The following CRHBP variants were observed in gnomAD, a reference collection of about 807,000 sequenced individuals.
CRHBP encodes corticotropin releasing hormone binding protein.
Under a neutral mutation model 34.9 loss-of-function variants are expected in CRHBP, and 19 were observed. That is an observed-to-expected ratio of 0.55 (90% CI 0.38 to 0.80). CRHBP has a LOEUF of 0.80. Ranked by LOEUF, CRHBP falls within the 30% of genes least tolerant of loss-of-function variation. CRHBP has a pLI of 0.00. For missense variants in CRHBP, 328 were observed against 409.2 expected, an observed-to-expected ratio of 0.80 and a Z score of 1.71; for synonymous variants, 154 against 153.4, an observed-to-expected ratio of 1.00 and a Z score of -0.03.
At chr5:76,964,708 T>C (rs1226807752) in intron 6 of CRHBP, among the ~76,000 whole-genome samples, 2 of 151,916 alleles carry the variant, frequency 1.3e-5, no homozygotes, top group African/African-American at 2.4e-5. Context: ...ATAAAAAAAT[T>C]AGCCAGGCAT....
At chr5:76,970,287 A>C (rs1745926890), downstream of CRHBP, among the ~76,000 whole-genome samples, 1 of 152,098 alleles carries the variant, frequency 6.6e-6, no homozygotes, top group Non-Finnish European at 1.5e-5. Flanking sequence ...GGATTAGTAG[A>C]TGAAAGCTTC....
At chr5:76,976,190 AAG>A (rs1276514135) in intron 2 of CRHBP, among the ~76,000 whole-genome samples, 1 of 152,144 alleles carries the variant, frequency 6.6e-6, no homozygotes, top group East Asian at 1.9e-4. Context: ...CAGGAAAAGA[AAG>A]AGTATGAGAT....
At chr5:76,953,431 T>C (rs75439203) in intron 1 of CRHBP, 170 bp from the exon 2 acceptor site, 44,561 of 873,864 alleles carry the variant, frequency 0.051, 1,842 homozygotes, top group African/African-American at 0.19. Context: ...GGGGATACCC[T>C]GGCCTGATGG....
intron 3 of CRHBP, among the ~76,000 whole-genome samples, chr5:76,955,142 A>G (rs1042888158): frequency 1.3e-5 from 2 of 152,222 alleles, no homozygotes; most frequent in Admixed American, 1.3e-4. Flanking sequence ...TTTTAAAGTA[A>G]TATGTGATGA....
chr5:76,980,273 A>G (rs908946683), intron 3 of CRHBP, among the ~76,000 whole-genome samples: 6 of 151,414 alleles, frequency 4.0e-5, no homozygotes, highest in African/African-American at 9.7e-5. Flanking sequence ...AAAAAAAAAA[A>G]AAAAGAAAGC....
downstream of CRHBP, among the ~76,000 whole-genome samples, chr5:76,969,974 T>C (rs1745923116): frequency 7.9e-6 from 1 of 127,236 alleles, no homozygotes. Context: ...TTTGAGACAG[T>C]CTTGGCTCTG....
At chr5:76,967,087 CA>C (rs1406805376) in intron 6 of CRHBP, among the ~76,000 whole-genome samples, 1 of 151,984 alleles carries the variant, frequency 6.6e-6, no homozygotes, top group African/African-American at 2.4e-5. Flanking sequence ...TATTCAAATT[CA>C]AAAATTAGCC....
At chr5:76,971,915 G>A (rs1359196840), downstream of CRHBP, among the ~76,000 whole-genome samples, 3 of 152,126 alleles carry the variant, frequency 2.0e-5, no homozygotes, top group Non-Finnish European at 1.5e-5. Context: ...CCAATTAGGG[G>A]ACTAGGGATC....
At chr5:76,978,006 G>A (rs1314449864) in intron 3 of CRHBP, among the ~76,000 whole-genome samples, 1 of 152,174 alleles carries the variant, frequency 6.6e-6, no homozygotes, top group African/African-American at 2.4e-5. Flanking sequence ...GTTCCTTTAA[G>A]CCAAAACCTA....
intron 5 of CRHBP, among the ~76,000 whole-genome samples, chr5:76,960,647 G>A (rs1009746152): frequency 1.3e-5 from 2 of 152,040 alleles, no homozygotes; most frequent in Non-Finnish European, 2.9e-5. Context: ...TCTATGTATT[G>A]GAAGATGAGT....
At chr5:76,973,378 A>C (rs935326025), downstream of CRHBP, among the ~76,000 whole-genome samples, 1 of 152,192 alleles carries the variant, frequency 6.6e-6, no homozygotes, top group Non-Finnish European at 1.5e-5. Flanking sequence ...TGATCCTTAG[A>C]CCTCTTTGAA....
At chr5:76,955,510 G>T (rs1294727997) in intron 3 of CRHBP, 143 bp from the exon 4 acceptor site, 1 of 652,810 alleles carries the variant, frequency 1.5e-6, no homozygotes, top group Non-Finnish European at 2.6e-6. Context: ...CAAATGAAAA[G>T]GCGAGCAGGC....
At position 76,954,191 on chromosome 5, in the gene CRHBP, G is replaced by A; in HGVS notation, c.333+5G>A. ...CAGGGCGGCGACTTCCTGAAGGTGA[G>A]GCGCCCACGGCCAGCCAACCTAGCC... On this transcript the variant is annotated splice_donor_5th_base_variant and intron_variant, in intron 3 of 6. Transcript: ENST00000274368. The A allele has an allele frequency of 6.2e-7, 1 of 1,611,312 alleles. No homozygotes were observed. Among genetic ancestry groups the A allele is most frequent in the Non-Finnish European group, 8.5e-7 (1 of 1,178,584 alleles).
intron 3 of CRHBP, among the ~76,000 whole-genome samples, chr5:76,978,882 AG>A (rs1344803023): frequency 4.6e-5 from 7 of 152,374 alleles, no homozygotes; most frequent in Non-Finnish European, 8.8e-5. Context: ...TCTAATTTGG[AG>A]GAAGTTCTAC....
intron 5 of CRHBP, among the ~76,000 whole-genome samples, chr5:76,959,534 T>C (rs1745743648): frequency 2.0e-5 from 3 of 152,216 alleles, no homozygotes; most frequent in Non-Finnish European, 4.4e-5. Context: ...GGTAGCATTT[T>C]CCCTCTGAGT....
rs1962640 is a variant in CRHBP at position 76,956,636 on chromosome 5, A to G, written c.544+773A>G. Among the ~76,000 whole-genome samples, 1,379 of 152,094 alleles carry G rather than the reference A, an allele frequency of 9.1e-3. 19 individuals carry two copies. Among genetic ancestry groups the G allele is most frequent in the African/African-American group, 0.03 (1,247 of 41,498 alleles). Reference sequence around the variant, plus strand: ...TGTAGTCCCAGCTACTTGGGAGAGAATGGCGTGAACCTGGGAGGTGGAGCT... The same window carrying G: ...TGTAGTCCCAGCTACTTGGGAGAGAGTGGCGTGAACCTGGGAGGTGGAGCT... On this transcript the variant is annotated intron_variant, in intron 4 of 6. Coordinates refer to ENST00000274368, the MANE Select transcript of CRHBP (RefSeq NM_001882.4).
At chr5:76,954,337 G>T in intron 3 of CRHBP, 151 bp downstream of exon 3, 1 of 932,084 alleles carries the variant, frequency 1.1e-6, no homozygotes, top group Non-Finnish European at 1.6e-6. Context: ...GGAGAGGCGC[G>T]TTCGAGGACC....
chr5:76,956,877 C>T (rs192518945), intron 4 of CRHBP, among the ~76,000 whole-genome samples: 1 of 152,116 alleles, frequency 6.6e-6, no homozygotes, highest in Non-Finnish European at 1.5e-5. Context: ...AAAGATGGGG[C>T]CTTTATCTGC....
At chr5:76,953,977 C>T in intron 2 of CRHBP, 52 bp from the exon 3 acceptor site, 3 of 1,557,792 alleles carry the variant, frequency 1.9e-6, no homozygotes, top group Non-Finnish European at 2.6e-6. Flanking sequence ...CCGAGGACGG[C>T]GCTGCGGCGG....
Sources: allele counts gnomAD v4.1 joint callset (sites outside exome capture counted in the v4.1 genomes callset), GRCh38; gene constraint gnomAD v4.1.1; transcripts MANE v1.5; gene names NCBI Gene and HGNC (gene_info 2026-07-23, HGNC 2026-07-21).